PPM1L: variants seen among roughly 807,000 people sequenced by gnomAD.
The protein encoded by PPM1L is protein phosphatase 1L.
A neutral mutation model predicts 31.4 loss-of-function variants in PPM1L; 13 were observed. The ratio of observed to expected loss-of-function variants is 0.41; its 90% CI spans 0.27 to 0.66. The LOEUF is 0.66. Ranked by LOEUF, PPM1L falls within the 30% of genes least tolerant of loss-of-function variation. The probability of loss-of-function intolerance (pLI) is 0.29; values close to 1 mark genes in which losing one functional copy is unlikely to be tolerated. For missense variants in PPM1L, 326 were observed against 453.7 expected (o/e 0.72, Z 2.56); for synonymous variants, 184 against 175.4 (o/e 1.05, Z -0.39).
chr3:161,020,290 A>G (rs1406134143), intron 2 of PPM1L, among the ~76,000 whole-genome samples: 1 of 152,094 alleles, frequency 6.6e-6, no homozygotes, highest in Non-Finnish European at 1.5e-5. Context: ...CAGGACATCT[A>G]AAATAATACC....
chr3:160,846,134 A>G, intron 1 of PPM1L, among the ~76,000 whole-genome samples: 1 of 152,146 alleles, frequency 6.6e-6, no homozygotes, highest in Non-Finnish European at 1.5e-5. Flanking sequence ...GAAAACACAT[A>G]TATTATTTTA....
rs369097835 is a variant in PPM1L, at chr3:160,961,862, A to G, written c.526A>G (p.Ile176Val). 1.2e-5 allele frequency: 19 copies of G among 1,595,856 alleles called. No homozygotes were observed. Among genetic ancestry groups the G allele is most frequent in the African/African-American group, 2.7e-5 (2 of 74,032 alleles). ...CATCCTTGAACAGCAGATTTTGTCA[A>G]TTGACCGAGAAATGCTAGAAAAATT... The part of the protein sequence containing the change: ...QTILEQQILS[I>V]DREMLEKLTV... The change falls in exon 2 of 4, where the codon ATT becomes GTT. Residue 176 changes from isoleucine to valine, a missense_variant. By Grantham distance (29) the Ile-to-Val change is conservative (BLOSUM62 3). This residue lies in a region of PPM1L where 201 missense variants were observed against 298.2 expected (regional missense o/e 0.67). Transcript: ENST00000498165.
rs560214636 is a variant in PPM1L at position 160,907,174 on chromosome 3, G to C, written c.400-54562G>C. Reference sequence around the variant, plus strand: ...ACAAAAGCAGAGCTCCCTGGAACATGGAAGGCATGGAATATGGAAGGCAGT... The same window carrying C: ...ACAAAAGCAGAGCTCCCTGGAACATCGAAGGCATGGAATATGGAAGGCAGT... On this transcript the variant is annotated intron_variant, in intron 1 of 3. Transcript: ENST00000498165. 6.6e-5 allele frequency among the ~76,000 whole-genome samples: 10 copies of C among 152,264 alleles called. No individual in the cohort carries two copies. The South Asian group carries it at 2.1e-3, about 32-fold the overall frequency.
intron 1 of PPM1L, among the ~76,000 whole-genome samples, chr3:160,839,284 G>A (rs771088847): frequency 1.1e-4 from 16 of 152,178 alleles, no homozygotes; most frequent in African/African-American, 2.9e-4. Context: ...ATTATATGAC[G>A]TAGTCATAAG....
rs143683553 is a variant in PPM1L, at chr3:161,054,768, G to A, written c.575-10635G>A. On this transcript the variant is annotated intron_variant, in intron 2 of 3. Coordinates refer to ENST00000498165, the MANE Select transcript of PPM1L (RefSeq NM_139245.4). ...AGGCTATTAGGATTAAAGAAATTAT[G>A]TATGCCAAGGACTAAGTACAGAGCC... is the stretch of plus-strand genomic sequence containing the variant. Among the ~76,000 whole-genome samples the A allele has an allele frequency of 2.2e-3, 335 of 152,246 alleles. 1 individual carries two copies. The highest frequency in any genetic ancestry group is 7.5e-3 in the African/African-American group (313 of 41,556).
At chr3:160,861,529 G>C (rs1272614603) in intron 1 of PPM1L, among the ~76,000 whole-genome samples, 1 of 152,090 alleles carries the variant, frequency 6.6e-6, no homozygotes, top group Non-Finnish European at 1.5e-5. Context: ...TTCGATTTCT[G>C]GCTCTGTTAC....
intron 1 of PPM1L, among the ~76,000 whole-genome samples, chr3:160,762,517 C>T (rs1231535428): frequency 2.0e-5 from 3 of 152,232 alleles, no homozygotes; most frequent in East Asian, 1.9e-4. Context: ...TTGGTGCATT[C>T]TGTGTCCTCA....
intron 1 of PPM1L, among the ~76,000 whole-genome samples, chr3:160,958,002 G>A (rs944545656): frequency 2.0e-5 from 3 of 152,018 alleles, no homozygotes; most frequent in African/African-American, 4.8e-5. Flanking sequence ...ACTTTTTTAT[G>A]GGGTTGTCTT....
chr3:161,009,417 AT>A (rs1032688553), intron 2 of PPM1L, among the ~76,000 whole-genome samples: 7 of 152,222 alleles, frequency 4.6e-5, no homozygotes, highest in Admixed American at 4.6e-4. Context: ...ATGTGACCGT[AT>A]TTAGAGATGC....
Position 160,990,356 on chromosome 3 carries a change from T to C in PPM1L, c.574+28446T>C, listed in dbSNP as rs569472591. ...ATCCTAAAATGAAATTCATAGATAA[T>C]ATAATCTACCTATATGTATACATCA... is the stretch of plus-strand genomic sequence containing the variant. On this transcript the variant is annotated intron_variant, in intron 2 of 3. Transcript: ENST00000498165. Among the ~76,000 whole-genome samples the C allele has an allele frequency of 2.0e-5, 3 of 152,244 alleles. No homozygotes were observed. In the East Asian group the frequency reaches 5.8e-4, roughly 29 times the overall value.
intron 2 of PPM1L, among the ~76,000 whole-genome samples, chr3:160,984,482 A>G (rs1463836786): frequency 6.6e-6 from 1 of 152,200 alleles, no homozygotes; most frequent in Non-Finnish European, 1.5e-5. Context: ...TGCAGTTAAC[A>G]CAATCACCAC....
intron 2 of PPM1L, among the ~76,000 whole-genome samples, chr3:161,014,392 T>C (rs138389685): frequency 6.6e-6 from 1 of 152,174 alleles, no homozygotes; most frequent in Non-Finnish European, 1.5e-5. Context: ...TTAGTTGTTT[T>C]TATATCTCTA....
intron 1 of PPM1L, among the ~76,000 whole-genome samples, chr3:160,782,458 G>T (rs982707765): frequency 6.6e-6 from 1 of 152,172 alleles, no homozygotes; most frequent in Non-Finnish European, 1.5e-5. Context: ...CTGACTATGT[G>T]ACAAAGTTGG....
intron 1 of PPM1L, among the ~76,000 whole-genome samples, chr3:160,922,270 A>G (rs1714440719): frequency 6.6e-6 from 1 of 152,144 alleles, no homozygotes; most frequent in South Asian, 2.1e-4. Flanking sequence ...AGATCACACC[A>G]CTGCACTCCA....
At chr3:160,790,215 T>C (rs1712061608) in intron 1 of PPM1L, among the ~76,000 whole-genome samples, 1 of 152,112 alleles carries the variant, frequency 6.6e-6, no homozygotes, top group South Asian at 2.1e-4. Flanking sequence ...TGAACTGTTA[T>C]TAACTAATTT....
intron 1 of PPM1L, among the ~76,000 whole-genome samples, chr3:160,837,636 A>G (rs2108102387): frequency 6.6e-6 from 1 of 152,294 alleles, no homozygotes; most frequent in East Asian, 1.9e-4. Context: ...TGCGGGAGGA[A>G]TGCTTGTCCT....
chr3:160,794,723 G>A (rs73877952), intron 1 of PPM1L, among the ~76,000 whole-genome samples: 16,279 of 152,140 alleles, frequency 0.11, 1,438 homozygotes, highest in African/African-American at 0.24. Context: ...CACATTGGAT[G>A]AAGAAGAATT....
At chr3:161,025,144 A>G (rs1718342150) in intron 2 of PPM1L, among the ~76,000 whole-genome samples, 1 of 152,184 alleles carries the variant, frequency 6.6e-6, no homozygotes, top group Non-Finnish European at 1.5e-5. Context: ...TATAGGTGCT[A>G]TGGTTTGAAT....
intron 1 of PPM1L, among the ~76,000 whole-genome samples, chr3:160,787,701 A>G (rs1189100682): frequency 1.3e-5 from 2 of 152,186 alleles, no homozygotes; most frequent in Non-Finnish European, 2.9e-5. Context: ...GGTATTTCCT[A>G]GGTTTTATTC....
Sources: gnomAD v4.1 joint callset for allele counts (sites outside exome capture counted in the v4.1 genomes callset) on GRCh38, gnomAD v4.1.1 for gene constraint, gnomAD v4.1.1 regional missense constraint, MANE v1.5 for transcripts, NCBI Gene and HGNC (gene_info 2026-07-23, HGNC 2026-07-21) for gene names.